EDIL3: variants seen among roughly 807,000 people sequenced by gnomAD.
The protein encoded by EDIL3 is EGF-like repeat and discoidin I-like domain-containing protein 3.
A neutral mutation model predicts 67.4 loss-of-function variants in EDIL3; 37 were observed. That is an observed-to-expected ratio of 0.55 (90% CI 0.42 to 0.72). The LOEUF is 0.72. Among genes scored for constraint, EDIL3 ranks in the 30% least tolerant of loss-of-function variants. The pLI is 0.00. For synonymous variants in EDIL3, 195 were observed against 196.3 expected (o/e 0.99, Z 0.05); for missense variants, 527 against 586.3 (o/e 0.90, Z 1.04).
chr5:84,231,646 C>T (rs982682076), intron 2 of EDIL3, among the ~76,000 whole-genome samples: 2 of 152,112 alleles, frequency 1.3e-5, no homozygotes, highest in African/African-American at 2.4e-5. Flanking sequence ...CTGTTTGGCT[C>T]GCCTCCTTGG....
intron 6 of EDIL3, among the ~76,000 whole-genome samples, chr5:84,096,921 A>C (rs956189723): frequency 1.3e-5 from 2 of 152,114 alleles, no homozygotes; most frequent in Non-Finnish European, 2.9e-5. Context: ...TAAAAACGGG[A>C]GTTTCCCTGC....
At chr5:84,200,370 G>C (rs533626401) in intron 3 of EDIL3, among the ~76,000 whole-genome samples, 79 of 151,868 alleles carry the variant, frequency 5.2e-4, no homozygotes, top group African/African-American at 1.7e-3. Context: ...AAGCATATTT[G>C]TTTCAATAAA....
chr5:84,323,019 G>A (rs1479731773), intron 1 of EDIL3, among the ~76,000 whole-genome samples: 2 of 151,946 alleles, frequency 1.3e-5, no homozygotes, highest in Non-Finnish European at 2.9e-5. Flanking sequence ...AACAAAACCT[G>A]AGGGACCTCA....
intron 7 of EDIL3, among the ~76,000 whole-genome samples, chr5:84,065,546 G>A (rs1746623811): frequency 7.9e-6 from 1 of 126,912 alleles, no homozygotes; most frequent in South Asian, 2.5e-4. Context: ...ATTAGAGTCT[G>A]GTATAATGCC....
chr5:84,050,029 C>T (rs1185860843), intron 9 of EDIL3, among the ~76,000 whole-genome samples: 2 of 151,842 alleles, frequency 1.3e-5, no homozygotes, highest in African/African-American at 4.8e-5. Flanking sequence ...GAAACCCCGT[C>T]TCTACTAAAA....
intron 3 of EDIL3, among the ~76,000 whole-genome samples, chr5:84,210,292 T>C (rs1744091111): frequency 6.6e-6 from 1 of 152,110 alleles, no homozygotes; most frequent in Non-Finnish European, 1.5e-5. Flanking sequence ...TAAGGTTTAA[T>C]TTTACGTTTT....
At chr5:84,192,418 T>TA (rs1249450670) in intron 3 of EDIL3, among the ~76,000 whole-genome samples, 1 of 152,036 alleles carries the variant, frequency 6.6e-6, no homozygotes, top group Non-Finnish European at 1.5e-5. Context: ...TTCTACCACC[T>TA]AAAGATCATT....
At position 84,258,970 on chromosome 5, in the gene EDIL3, C is replaced by CT. The variant is rs144344642; in HGVS notation, c.68-4759dup. Among the ~76,000 whole-genome samples, 753 of 77,806 alleles carry CT rather than the reference C, an allele frequency of 9.7e-3. 32 individuals carry two copies. Among genetic ancestry groups the CT allele is most frequent in the African/African-American group, 0.026 (466 of 18,022 alleles). The allele number at this position is 77,806 out of a possible 152,430, so 51.0% of individuals were successfully genotyped here. A position where few individuals can be genotyped will look rare whatever the true frequency, so the allele number is the denominator to read the frequency against. On this transcript the variant is annotated intron_variant, in intron 1 of 10. Coordinates refer to ENST00000296591, the MANE Select transcript of EDIL3 (RefSeq NM_005711.5). ...TTCCCAGTGGATATGTTCGTAGAGTCTTTTTTTTTTTTTTTTTTTTTTGAG... is the reference window on the plus strand; with the variant it reads ...TTCCCAGTGGATATGTTCGTAGAGTCTTTTTTTTTTTTTTTTTTTTTTTGAG...
intron 6 of EDIL3, among the ~76,000 whole-genome samples, chr5:84,099,065 G>T (rs2112275712): frequency 6.6e-6 from 1 of 152,122 alleles, no homozygotes; most frequent in Admixed American, 6.6e-5. Context: ...ACCCTTTCAA[G>T]AAGAACTACA....
chr5:84,375,294 T>G (rs1747945843), intron 1 of EDIL3, among the ~76,000 whole-genome samples: 1 of 152,146 alleles, frequency 6.6e-6, no homozygotes, highest in Admixed American at 6.5e-5. Context: ...TATAGCAGTG[T>G]GAAAATGGAA....
At chr5:84,203,131 T>C (rs915919337) in intron 3 of EDIL3, among the ~76,000 whole-genome samples, 11 of 152,156 alleles carry the variant, frequency 7.2e-5, no homozygotes, top group Admixed American at 6.5e-4. Flanking sequence ...TCATGTCGAA[T>C]GCTCCAGAGA....
intron 9 of EDIL3, among the ~76,000 whole-genome samples, chr5:84,042,573 C>T (rs1746150491): frequency 6.6e-6 from 1 of 152,130 alleles, no homozygotes; most frequent in Non-Finnish European, 1.5e-5. Flanking sequence ...TGAGCCACTG[C>T]TCCTGGCCTG....
intron 1 of EDIL3, among the ~76,000 whole-genome samples, chr5:84,260,071 T>C (rs963550455): frequency 4.6e-5 from 7 of 152,228 alleles, no homozygotes; most frequent in Non-Finnish European, 1.0e-4. Context: ...GGTTTCTTTA[T>C]ATGTTAGTGT....
intron 3 of EDIL3, among the ~76,000 whole-genome samples, chr5:84,190,863 C>T (rs1224637596): frequency 6.6e-6 from 1 of 151,750 alleles, no homozygotes; most frequent in Non-Finnish European, 1.5e-5. Flanking sequence ...TGCATAGGAA[C>T]CTTCACTCCT....
At chr5:83,980,214 A>T (rs2112147640) in intron 9 of EDIL3, among the ~76,000 whole-genome samples, 1 of 151,126 alleles carries the variant, frequency 6.6e-6, no homozygotes, top group African/African-American at 2.4e-5. Context: ...ACCATCTAAA[A>T]GTGTCAGCTT....
At chr5:84,008,984 G>A (rs1745472893) in intron 9 of EDIL3, among the ~76,000 whole-genome samples, 1 of 152,020 alleles carries the variant, frequency 6.6e-6, no homozygotes, top group African/African-American at 2.4e-5. Flanking sequence ...GGCTAATTTT[G>A]TATTTTTAGT....
At chr5:84,190,426 G>A (rs1410329523) in intron 3 of EDIL3, among the ~76,000 whole-genome samples, 1 of 151,692 alleles carries the variant, frequency 6.6e-6, no homozygotes, top group African/African-American at 2.4e-5. Flanking sequence ...GCAGTGCAAA[G>A]TCCTAAGATA....
chr5:84,171,651 G>A (rs1486103625), intron 4 of EDIL3, among the ~76,000 whole-genome samples: 1 of 152,232 alleles, frequency 6.6e-6, no homozygotes, highest in Admixed American at 6.5e-5. Context: ...CACATTCAGT[G>A]TGGGATTATA....
chr5:84,083,080 C>T (rs1314223539), intron 6 of EDIL3, among the ~76,000 whole-genome samples: 2 of 152,088 alleles, frequency 1.3e-5, no homozygotes, highest in African/African-American at 2.4e-5. Flanking sequence ...TTTTAATTTG[C>T]ATTGTATTTT....
Sources: allele counts gnomAD v4.1 joint callset (sites outside exome capture counted in the v4.1 genomes callset), GRCh38; gene constraint gnomAD v4.1.1; transcripts MANE v1.5; gene names NCBI Gene and HGNC (gene_info 2026-07-23, HGNC 2026-07-21).